Variants in FYN observed in about 807,000 individuals in gnomAD.
FYN encodes FYN proto-oncogene, Src family tyrosine kinase, also known as tyrosine-protein kinase Fyn.
FYN carries 10 observed loss-of-function variants against 70.2 expected under a neutral mutation model. The observed-to-expected ratio is 0.14, with a 90% CI of 0.09 to 0.24. FYN has a LOEUF of 0.24. Ranked by LOEUF, FYN falls within the 10% of genes least tolerant of loss-of-function variation. FYN has a pLI of 1.00. For synonymous variants in FYN, 236 were observed against 248.6 expected (o/e 0.95, Z 0.48); for missense variants, 319 against 673.1 (o/e 0.47, Z 5.82).
Position 111,797,707 on chromosome 6 carries a change from T to C in FYN, c.-81-17072A>G, listed in dbSNP as rs1439030969. Among the ~76,000 whole-genome samples the C allele has an allele frequency of 6.4e-4, 58 of 90,940 alleles. 2 individuals are homozygous for C. The highest frequency in any genetic ancestry group is 2.9e-3 in the African/African-American group (56 of 19,024). 59.7% of individuals were successfully genotyped at this position (90,940 alleles called of 152,430 possible). A position where few individuals can be genotyped will look rare whatever the true frequency, so the allele number is the denominator to read the frequency against. On this transcript the variant is annotated intron_variant, in intron 2 of 13. Transcript: ENST00000354650. ...ATATATATATATATATATATATATA[T>C]ATATACACACACACACACACATGAC...
At chr6:111,749,743 A>G (rs961646766) in intron 3 of FYN, among the ~76,000 whole-genome samples, 2 of 152,254 alleles carry the variant, frequency 1.3e-5, no homozygotes, top group African/African-American at 4.8e-5. Flanking sequence ...TAACACAATT[A>G]TAATAGGGTA....
At chr6:111,719,782 A>C (rs765014362) in intron 4 of FYN, 23 bp downstream of exon 4, 5 of 1,610,736 alleles carry the variant, frequency 3.1e-6, no homozygotes, top group African/African-American at 2.7e-5. Flanking sequence ...CCCTCTCTGC[A>C]CTCTGTGACT....
At chr6:111,667,631 T>C (rs1798070243) in intron 13 of FYN, among the ~76,000 whole-genome samples, 1 of 152,228 alleles carries the variant, frequency 6.6e-6, no homozygotes, top group African/African-American at 2.4e-5. Flanking sequence ...ACTTCTTGAC[T>C]TCTAACTTTG....
chr6:111,801,731 T>C (rs920928058), intron 2 of FYN, among the ~76,000 whole-genome samples: 15 of 152,210 alleles, frequency 9.9e-5, no homozygotes, highest in African/African-American at 1.4e-4. Flanking sequence ...TGCACTGTTT[T>C]TGTCTTACTC....
chr6:111,833,299 A>G (rs1023126013), intron 2 of FYN, among the ~76,000 whole-genome samples: 3 of 152,278 alleles, frequency 2.0e-5, no homozygotes, highest in African/African-American at 7.2e-5. Context: ...TACTGAATTT[A>G]TAAGACACAA....
At chr6:111,844,583 G>A (rs1413672114) in intron 2 of FYN, among the ~76,000 whole-genome samples, 1 of 152,208 alleles carries the variant, frequency 6.6e-6, no homozygotes, top group African/African-American at 2.4e-5. Flanking sequence ...CTTGACTGAG[G>A]AGAGGGTGCA....
intron 2 of FYN, among the ~76,000 whole-genome samples, chr6:111,840,065 A>T (rs1773311542): frequency 6.6e-6 from 1 of 152,220 alleles, no homozygotes; most frequent in Admixed American, 6.5e-5. Flanking sequence ...ACTAGTTCTT[A>T]GATCTTCCAA....
At chr6:111,708,405 TAGG>T (rs1385083174) in intron 5 of FYN, among the ~76,000 whole-genome samples, 1 of 152,186 alleles carries the variant, frequency 6.6e-6, no homozygotes, top group African/African-American at 2.4e-5. Context: ...GGAAGCTTTT[TAGG>T]AGGTCTGAGG....
At chr6:111,749,934 T>C (rs1195241436) in intron 3 of FYN, among the ~76,000 whole-genome samples, 1 of 151,408 alleles carries the variant, frequency 6.6e-6, no homozygotes, top group Non-Finnish European at 1.5e-5. Context: ...TGATTTCTCC[T>C]GGAAAAAAAA....
intron 2 of FYN, among the ~76,000 whole-genome samples, chr6:111,839,974 A>T (rs527710570): frequency 6.6e-6 from 1 of 152,212 alleles, no homozygotes; most frequent in Non-Finnish European, 1.5e-5. Flanking sequence ...TTCAGAGCCC[A>T]TAATTCCTCT....
intron 1 of FYN, among the ~76,000 whole-genome samples, chr6:111,872,537 G>A (rs1326175482): frequency 6.9e-6 from 1 of 145,510 alleles, no homozygotes; most frequent in Non-Finnish European, 1.5e-5. Context: ...GAGGAGTGGG[G>A]CAGGGGTTGG....
intron 3 of FYN, among the ~76,000 whole-genome samples, chr6:111,736,527 T>C (rs1801718597): frequency 6.6e-6 from 1 of 152,120 alleles, no homozygotes; most frequent in Non-Finnish European, 1.5e-5. Flanking sequence ...TTCCAGGTAA[T>C]GATGGCCCAA....
intron 3 of FYN, among the ~76,000 whole-genome samples, chr6:111,733,091 A>C (rs1801545154): frequency 6.6e-6 from 1 of 152,038 alleles, no homozygotes; most frequent in African/African-American, 2.4e-5. Context: ...GTGTCTCCCC[A>C]CTCCCGAGAA....
chr6:111,861,731 A>G (rs2114520698), intron 1 of FYN, among the ~76,000 whole-genome samples: 1 of 152,374 alleles, frequency 6.6e-6, no homozygotes, highest in South Asian at 2.1e-4. Flanking sequence ...TCATGAATGC[A>G]GACCAACACT....
chr6:111,759,101 T>A (rs1802884096), intron 3 of FYN: 1 of 152,446 alleles, frequency 6.6e-6, no homozygotes, highest in Non-Finnish European at 1.5e-5. Flanking sequence ...CTCTCTCAGC[T>A]CCTTGGCTTA....
intron 3 of FYN, among the ~76,000 whole-genome samples, chr6:111,757,533 C>G (rs183159268): frequency 6.6e-6 from 1 of 152,314 alleles, no homozygotes; most frequent in East Asian, 1.9e-4. Flanking sequence ...GCAAATCAAA[C>G]TCTGCCTAAA....
intron 2 of FYN, among the ~76,000 whole-genome samples, chr6:111,814,580 GAAT>G (rs1772426464): frequency 6.6e-6 from 1 of 151,946 alleles, no homozygotes; most frequent in African/African-American, 2.4e-5. Context: ...ACATAGTATA[GAAT>G]AATATATACT....
chr6:111,666,889 TCTC>T (rs752945699), intron 13 of FYN, among the ~76,000 whole-genome samples: 6 of 152,168 alleles, frequency 3.9e-5, no homozygotes, highest in Non-Finnish European at 8.8e-5. Flanking sequence ...CCATGGAACA[TCTC>T]CTTGTCAACT....
rs923589638 is a variant in FYN at position 111,787,144 on chromosome 6, C to A, written c.-81-6509G>T. 3.3e-4 allele frequency among the ~76,000 whole-genome samples: 50 copies of A among 152,276 alleles called. 1 individual carries two copies. Among genetic ancestry groups the A allele is most frequent in the African/African-American group, 1.2e-3 (50 of 41,544 alleles). On this transcript the variant is annotated intron_variant, in intron 2 of 13. Transcript: ENST00000354650. ...TTTAGACATGAAGTCCTCGCTCATG[C>A]CTATGTCCTGAATGGTATTGCCTAG...
Sources: allele counts gnomAD v4.1 joint callset (sites outside exome capture counted in the v4.1 genomes callset), GRCh38; gene constraint gnomAD v4.1.1; transcripts MANE v1.5; gene names NCBI Gene and HGNC (gene_info 2026-07-23, HGNC 2026-07-21).